Variants in NMNAT3 observed in about 807,000 individuals in gnomAD.
NMNAT3 encodes the protein nicotinamide/nicotinic acid mononucleotide adenylyltransferase 3.
A neutral mutation model predicts 24.8 loss-of-function variants in NMNAT3; 21 were observed. That is an observed-to-expected ratio of 0.85 (90% CI 0.60 to 1.22). The LOEUF (loss-of-function observed/expected upper bound fraction) is 1.22. Ranked by LOEUF, NMNAT3 falls within the 50% of genes most tolerant of loss-of-function variation. The probability of loss-of-function intolerance (pLI) is 0.00; values close to 1 mark genes in which losing one functional copy is unlikely to be tolerated. For synonymous variants in NMNAT3, 136 were observed against 155.2 expected, an observed-to-expected ratio of 0.88 and a Z score of 0.92; for missense variants, 387 against 436.6, an observed-to-expected ratio of 0.89 and a Z score of 1.01.
chr3:139,571,588 GC>G (rs1451610241), intron 6 of NMNAT3: 1 of 152,146 alleles, frequency 6.6e-6, no homozygotes, highest in Non-Finnish European at 1.5e-5. Flanking sequence ...AGAGAAAGAG[GC>G]CCTCAACAAT....
At chr3:139,641,671 T>C (rs1576721302) in intron 1 of NMNAT3, among the ~76,000 whole-genome samples, 1 of 152,198 alleles carries the variant, frequency 6.6e-6, no homozygotes, top group African/African-American at 2.4e-5. Flanking sequence ...CTCATGAGAA[T>C]TCACCTGTAT....
chr3:139,642,589 G>T (rs768630789), intron 1 of NMNAT3, among the ~76,000 whole-genome samples: 16 of 152,184 alleles, frequency 1.1e-4, no homozygotes, highest in Non-Finnish European at 1.9e-4. Context: ...TGTGACCTGA[G>T]AACTTAACCT....
intron 3 of NMNAT3, among the ~76,000 whole-genome samples, chr3:139,625,495 C>A (rs2056011518): frequency 6.6e-6 from 1 of 152,116 alleles, no homozygotes; most frequent in African/African-American, 2.4e-5. Flanking sequence ...TTCATTTTAG[C>A]AGTTGCATTA....
chr3:139,567,744 A>G (rs1937474611), intron 6 of NMNAT3: 1 of 152,176 alleles, frequency 6.6e-6, no homozygotes, highest in African/African-American at 2.4e-5. Flanking sequence ...TCGGTTTGCC[A>G]GTATTTTATT....
chr3:139,633,946 G>C (rs2056402046), intron 2 of NMNAT3, among the ~76,000 whole-genome samples: 1 of 152,180 alleles, frequency 6.6e-6, no homozygotes, highest in Non-Finnish European at 1.5e-5. Context: ...CAGGGACAGT[G>C]GGTACATCAG....
chr3:139,612,304 C>G (rs964263961), intron 3 of NMNAT3, among the ~76,000 whole-genome samples: 3 of 152,152 alleles, frequency 2.0e-5, no homozygotes, highest in African/African-American at 7.2e-5. Flanking sequence ...GAGGACTGCT[C>G]ATGGCTAGCA....
intron 1 of NMNAT3, among the ~76,000 whole-genome samples, chr3:139,650,920 G>A (rs2057036401): frequency 6.6e-6 from 1 of 152,108 alleles, no homozygotes; most frequent in African/African-American, 2.4e-5. Flanking sequence ...TTACAAAAAG[G>A]AATATCTGAT....
chr3:139,581,939 A>G (rs541648851), intron 4 of NMNAT3, among the ~76,000 whole-genome samples: 23 of 152,242 alleles, frequency 1.5e-4, no homozygotes, highest in African/African-American at 5.5e-4. Flanking sequence ...TCATGCCTGT[A>G]ATCCCAGCAC....
At chr3:139,629,957 C>A (rs1175175301) in intron 2 of NMNAT3, among the ~76,000 whole-genome samples, 5 of 152,176 alleles carry the variant, frequency 3.3e-5, no homozygotes. Context: ...GCTGCAAATA[C>A]CAGAAGCCTA....
chr3:139,659,854 G>A (rs944713622), intron 1 of NMNAT3, among the ~76,000 whole-genome samples: 33 of 152,256 alleles, frequency 2.2e-4, no homozygotes, highest in African/African-American at 7.2e-4. Context: ...GTTTTAGAAA[G>A]TGGTAATTTT....
At chr3:139,655,871 C>T (rs1341755896) in intron 1 of NMNAT3, among the ~76,000 whole-genome samples, 1 of 152,190 alleles carries the variant, frequency 6.6e-6, no homozygotes, top group Non-Finnish European at 1.5e-5. Context: ...AGAATTGCTG[C>T]TTTTGAGGGT....
chr3:139,634,156 C>T (rs2056411141), intron 2 of NMNAT3, among the ~76,000 whole-genome samples: 1 of 152,204 alleles, frequency 6.6e-6, no homozygotes, highest in African/African-American at 2.4e-5. Context: ...CACAGGCCGT[C>T]GCGGAGGCAC....
At position 139,624,261 on chromosome 3, in the gene NMNAT3, ATTG is replaced by A. The variant is rs1289459405; in HGVS notation, c.109+3352_109+3354del. 4.6e-5 allele frequency among the ~76,000 whole-genome samples: 7 copies of A among 152,036 alleles called. No homozygotes were observed. The East Asian group carries it at 1.4e-3, about 29-fold the overall frequency. On this transcript the variant is annotated intron_variant, in intron 3 of 6. Coordinates refer to ENST00000643695, the MANE Select transcript of NMNAT3 (RefSeq NM_001320510.2). ...TTTTTTATATATTGTTTTCACTTTC[ATTG>A]AGTTCAAAATGTTTTCTAATTTCCA...
At chr3:139,565,438 T>C (rs1391189520) in intron 6 of NMNAT3, 3 of 152,214 alleles carry the variant, frequency 2.0e-5, no homozygotes, top group Non-Finnish European at 2.9e-5. Flanking sequence ...CGTATACATA[T>C]GCCATGTTGG....
At chr3:139,618,968 C>T (rs530194617) in intron 3 of NMNAT3, among the ~76,000 whole-genome samples, 22 of 152,266 alleles carry the variant, frequency 1.4e-4, no homozygotes, top group African/African-American at 4.1e-4. Context: ...TGCACTGGAA[C>T]GTGATTCTCC....
intron 1 of NMNAT3, among the ~76,000 whole-genome samples, chr3:139,651,747 G>T (rs975601884): frequency 3.7e-4 from 56 of 152,070 alleles, no homozygotes; most frequent in African/African-American, 1.3e-3. Flanking sequence ...TCCGGGCAAG[G>T]GTGCAAAATG....
intron 1 of NMNAT3, among the ~76,000 whole-genome samples, chr3:139,667,493 T>C (rs1391111790): frequency 6.6e-6 from 1 of 152,188 alleles, no homozygotes; most frequent in East Asian, 1.9e-4. Context: ...GTTCTTCATA[T>C]AGGCTTGTTA....
Position 139,599,202 on chromosome 3 carries a change from A to G in NMNAT3, c.110-15994T>C, listed in dbSNP as rs2054603064. On this transcript the variant is annotated intron_variant, in intron 3 of 6. Coordinates refer to ENST00000643695, the MANE Select transcript of NMNAT3 (RefSeq NM_001320510.2). ...AAAAATTACCATACATATTTAAAAC[A>G]AAACTACATGTGTCAAAACAATTGA... The G allele has an allele frequency of 5.0e-6, 3 of 595,658 alleles. No homozygotes were observed. In the East Asian group the frequency reaches 8.3e-5, roughly 17 times the overall value. 36.9% of individuals were successfully genotyped at this position (595,658 alleles called of 1,614,324 possible).
At chr3:139,580,284 G>A (rs114197154) in intron 4 of NMNAT3, among the ~76,000 whole-genome samples, 140 of 150,092 alleles carry the variant, frequency 9.3e-4, no homozygotes, top group African/African-American at 3.4e-3. Context: ...CACCATGCCC[G>A]ACCAATTTTT....
Sources: gnomAD v4.1 joint callset for allele counts (sites outside exome capture counted in the v4.1 genomes callset) on GRCh38, gnomAD v4.1.1 for gene constraint, MANE v1.5 for transcripts, NCBI Gene and HGNC (gene_info 2026-07-23, HGNC 2026-07-21) for gene names.